The following IPCEF1 variants were observed in gnomAD, a reference collection of about 807,000 sequenced individuals.
IPCEF1 encodes interaction protein for cytohesin exchange factors 1.
A neutral mutation model predicts 50.9 loss-of-function variants in IPCEF1; 31 were observed. That is an observed-to-expected ratio of 0.61 (90% CI 0.46 to 0.82). The LOEUF is 0.82. Ranked by LOEUF, IPCEF1 falls within the 40% of genes least tolerant of loss-of-function variation. IPCEF1 has a pLI of 0.00. For missense variants in IPCEF1, 458 were observed against 514.0 expected (o/e 0.89, Z 1.05); for synonymous variants, 181 against 192.0 (o/e 0.94, Z 0.47).
At position 154,222,792 on chromosome 6, in the gene IPCEF1, G is replaced by A. The variant is rs114201907; in HGVS notation, c.320+378C>T. ...CTCCATGAACTAAGAAAGAAAAGCTGGTCTTGCTGGCGTATCTGCAACTCG... is the reference window on the plus strand; with the variant it reads ...CTCCATGAACTAAGAAAGAAAAGCTAGTCTTGCTGGCGTATCTGCAACTCG... On this transcript the variant is annotated intron_variant, in intron 6 of 11. Transcript: ENST00000367220. Among the ~76,000 whole-genome samples the A allele has an allele frequency of 3.4e-3, 525 of 152,278 alleles. 3 individuals are homozygous for A. The highest frequency in any genetic ancestry group is 0.011 in the African/African-American group (469 of 41,556).
intron 7 of IPCEF1, among the ~76,000 whole-genome samples, chr6:154,217,736 T>A (rs1778528441): frequency 6.6e-6 from 1 of 152,112 alleles, no homozygotes; most frequent in Non-Finnish European, 1.5e-5. Flanking sequence ...ACAATAACAA[T>A]TTTTAGCTTA....
At chr6:154,193,233 T>C (rs1222867651) in intron 10 of IPCEF1, among the ~76,000 whole-genome samples, 2 of 152,192 alleles carry the variant, frequency 1.3e-5, no homozygotes, top group Non-Finnish European at 1.5e-5. Flanking sequence ...TTGGATGGAA[T>C]TGGAGGCCAT....
chr6:154,253,375 C>T (rs1428956623), intron 3 of IPCEF1, among the ~76,000 whole-genome samples: 2 of 152,168 alleles, frequency 1.3e-5, no homozygotes, highest in Non-Finnish European at 2.9e-5. Context: ...AATATTTTAA[C>T]AAAACTAGAA....
rs1413435101 is a variant in IPCEF1, at chr6:154,247,499, A to G, written c.37-11T>C. Reference sequence around the variant, plus strand: ...ACGCAAGGGAACCTGCTGAAAATGCAGGAAGGAAAGAAAAGAGGAAATTTC... The same window carrying G: ...ACGCAAGGGAACCTGCTGAAAATGCGGGAAGGAAAGAAAAGAGGAAATTTC... On this transcript the variant is annotated splice_polypyrimidine_tract_variant and intron_variant, in intron 3 of 11. Coordinates refer to ENST00000367220, the MANE Select transcript of IPCEF1 (RefSeq NM_001130700.2). 1.2e-6 allele frequency: 2 copies of G among 1,610,430 alleles called. No individual in the cohort carries two copies. Among genetic ancestry groups the G allele is most frequent in the East Asian group, 2.2e-5 (1 of 44,862 alleles).
At chr6:154,347,811 C>T (rs994648116) in intron 1 of IPCEF1, among the ~76,000 whole-genome samples, 32 of 152,118 alleles carry the variant, frequency 2.1e-4, no homozygotes, top group African/African-American at 7.2e-4. Context: ...TGATAGGAAA[C>T]GTGAGCTCGT....
At chr6:154,347,425 A>T (rs1244771704) in intron 1 of IPCEF1, among the ~76,000 whole-genome samples, 1 of 152,222 alleles carries the variant, frequency 6.6e-6, no homozygotes, top group African/African-American at 2.4e-5. Context: ...AGTTAATAAT[A>T]ACAGCACTTC....
chr6:154,219,189 T>G (rs6921548), intron 7 of IPCEF1: 24,256 of 152,130 alleles, frequency 0.16, 1,961 homozygotes, highest in South Asian at 0.22. Flanking sequence ...CAGATAAACA[T>G]GGAAGGGTCT....
intron 5 of IPCEF1, among the ~76,000 whole-genome samples, chr6:154,231,708 A>C (rs1779734955): frequency 6.6e-6 from 1 of 152,262 alleles, no homozygotes; most frequent in Non-Finnish European, 1.5e-5. Context: ...ACATGGGAAA[A>C]TAAACCAAAA....
At chr6:154,217,519 T>C (rs1214431352) in intron 7 of IPCEF1, 1 of 150,712 alleles carries the variant, frequency 6.6e-6, no homozygotes, top group Non-Finnish European at 1.5e-5. Flanking sequence ...TAAATGCAAA[T>C]GAAAGCGCAC....
At chr6:154,213,987 G>A (rs933581817) in intron 8 of IPCEF1, among the ~76,000 whole-genome samples, 4 of 152,210 alleles carry the variant, frequency 2.6e-5, no homozygotes, top group Non-Finnish European at 4.4e-5. Flanking sequence ...CACAGCTGCC[G>A]GAGTGTGGGT....
At chr6:154,314,443 T>C (rs1159650686) in intron 1 of IPCEF1, among the ~76,000 whole-genome samples, 1 of 152,210 alleles carries the variant, frequency 6.6e-6, no homozygotes, top group Non-Finnish European at 1.5e-5. Context: ...CCTATGTTTA[T>C]ATTACCAACA....
chr6:154,295,606 C>T (rs573314013), intron 1 of IPCEF1, among the ~76,000 whole-genome samples: 1 of 152,360 alleles, frequency 6.6e-6, no homozygotes, highest in Admixed American at 6.5e-5. Context: ...GGATCTGCTG[C>T]CTCTTCCCAC....
At chr6:154,247,029 C>T (rs1328874166) in intron 4 of IPCEF1, 2 of 429,848 alleles carry the variant, frequency 4.7e-6, no homozygotes, top group Non-Finnish European at 8.2e-6. Context: ...AACAGCGCAG[C>T]AGGAGTAATA....
chr6:154,171,559 C>A (rs1387353026), intron 10 of IPCEF1, among the ~76,000 whole-genome samples: 1 of 152,154 alleles, frequency 6.6e-6, no homozygotes, highest in Non-Finnish European at 1.5e-5. Flanking sequence ...ATGACAGCTG[C>A]ACAATTCCAA....
intron 1 of IPCEF1, among the ~76,000 whole-genome samples, chr6:154,299,548 A>C (rs777202086): frequency 7.1e-6 from 1 of 141,116 alleles, no homozygotes; most frequent in Non-Finnish European, 1.6e-5. Flanking sequence ...CTGAACGATG[A>C]GAAAACATGG....
At chr6:154,268,577 C>T (rs1726071350) in intron 2 of IPCEF1, among the ~76,000 whole-genome samples, 3 of 152,094 alleles carry the variant, frequency 2.0e-5, no homozygotes, top group Admixed American at 2.0e-4. Flanking sequence ...TTTTTCAATG[C>T]ACATCTGACT....
At chr6:154,215,798 C>T (rs954099704) in intron 7 of IPCEF1, among the ~76,000 whole-genome samples, 1 of 151,934 alleles carries the variant, frequency 6.6e-6, no homozygotes, top group Non-Finnish European at 1.5e-5. Flanking sequence ...TATATCAAGT[C>T]TCAATAGGAT....
At chr6:154,290,343 T>A (rs2128668766) in intron 1 of IPCEF1, among the ~76,000 whole-genome samples, 2 of 152,226 alleles carry the variant, frequency 1.3e-5, no homozygotes, top group South Asian at 4.1e-4. Context: ...AAGGGAAGAA[T>A]CAGGGTAGGA....
chr6:154,350,702 T>C (rs1784105606), intron 1 of IPCEF1, among the ~76,000 whole-genome samples: 1 of 152,212 alleles, frequency 6.6e-6, no homozygotes, highest in Non-Finnish European at 1.5e-5. Flanking sequence ...ATTTGGCCCA[T>C]ACATCAACGC....
Sources: allele counts gnomAD v4.1 joint callset (sites outside exome capture counted in the v4.1 genomes callset), GRCh38; gene constraint gnomAD v4.1.1; transcripts MANE v1.5; gene names NCBI Gene and HGNC (gene_info 2026-07-23, HGNC 2026-07-21).